PAK2: variants seen among roughly 807,000 people sequenced by gnomAD.
PAK2 encodes p21 (RAC1) activated kinase 2, also known as serine/threonine-protein kinase PAK 2.
A neutral mutation model predicts 65.9 loss-of-function variants in PAK2; 21 were observed. The ratio of observed to expected loss-of-function variants is 0.32; its 90% CI spans 0.23 to 0.46. The LOEUF is 0.46. Among genes scored for constraint, PAK2 ranks in the 20% least tolerant of loss-of-function variants. The pLI, the probability that PAK2 is intolerant of heterozygous loss-of-function variation, is 1.00. For synonymous variants in PAK2, 204 were observed against 219.7 expected (o/e 0.93, Z 0.63); for missense variants, 324 against 642.6 (o/e 0.50, Z 5.36).
intron 1 of PAK2, among the ~76,000 whole-genome samples, chr3:196,745,832 G>A (rs868299217): frequency 1.9e-4 from 22 of 114,322 alleles, no homozygotes; most frequent in South Asian, 2.7e-4. Flanking sequence ...AAAAAAAAAA[G>A]AAGAAGTAGT....
At chr3:196,797,263 G>A (rs1487935589) in intron 2 of PAK2, among the ~76,000 whole-genome samples, 5 of 152,204 alleles carry the variant, frequency 3.3e-5, no homozygotes, top group East Asian at 1.9e-4. Flanking sequence ...TCAGGAGTTC[G>A]AGACCGGCCT....
In PAK2 at chr3:196,828,503, C is replaced by G. The variant is rs912370575; in HGVS notation, c.*98C>G. On this transcript the variant is annotated 3_prime_UTR_variant, in exon 15 of 15. Coordinates refer to ENST00000327134, the MANE Select transcript of PAK2 (RefSeq NM_002577.4). ...TCTTTTTGGGGTTTAAAGAAATGGT[C>G]TGCATAACCTGAATGAAAGAAGCAA... is the stretch of plus-strand genomic sequence containing the variant. 1 of 757,010 alleles carries G rather than the reference C, an allele frequency of 1.3e-6. No individual in the cohort carries two copies. The highest frequency in any genetic ancestry group is 2.3e-6 in the Non-Finnish European group (1 of 436,126). 46.9% of individuals were successfully genotyped at this position (757,010 alleles called of 1,614,324 possible).
intron 1 of PAK2, among the ~76,000 whole-genome samples, chr3:196,742,647 G>A (rs966761947): frequency 3.9e-5 from 6 of 152,128 alleles, no homozygotes; most frequent in African/African-American, 1.2e-4. Flanking sequence ...GGGCGCGGTG[G>A]CTCACGCCTG....
intron 1 of PAK2, among the ~76,000 whole-genome samples, chr3:196,752,190 A>G (rs563977961): frequency 1.4e-4 from 22 of 152,308 alleles, no homozygotes; most frequent in African/African-American, 5.3e-4. Flanking sequence ...GTAGTACTTA[A>G]TTCCTTTTTA....
Position 196,791,400 on chromosome 3 carries a change from GT to G in PAK2, c.187+8572del, listed in dbSNP as rs1715065240. 1.3e-5 allele frequency among the ~76,000 whole-genome samples: 2 copies of G among 151,858 alleles called. No individual in the cohort carries two copies. The highest frequency in any genetic ancestry group is 4.8e-5 in the African/African-American group (2 of 41,338). ...GCTCTATCTCAAGTTCTGCTTAATC[GT>G]TTTTGTGTTTTTCCTTTAACTTTTT... is the stretch of plus-strand genomic sequence containing the variant. On this transcript the variant is annotated intron_variant, in intron 2 of 14. Transcript: ENST00000327134. The surrounding 1 kb of genome is among the most constrained non-coding windows in gnomAD (Gnocchi z 4.0).
chr3:196,819,747 T>C (rs1711591141), intron 12 of PAK2, among the ~76,000 whole-genome samples: 1 of 152,156 alleles, frequency 6.6e-6, no homozygotes, highest in Non-Finnish European at 1.5e-5. Flanking sequence ...GCACCTCCAT[T>C]ACAGGTGAGA....
rs1197922574 is a variant in PAK2, at chr3:196,739,869, C to G, written c.-310C>G. ...CCCGCTCCCCGCCGTCTTCCTCCCC[C>G]AGGGTTGTGGCCACGCGCAGCGGCG... On this transcript the variant is annotated 5_prime_UTR_variant, in exon 1 of 15. Coordinates refer to ENST00000327134, the MANE Select transcript of PAK2 (RefSeq NM_002577.4). The G allele has an allele frequency of 1.3e-5, 2 of 152,034 alleles. No individual in the cohort carries two copies. Among genetic ancestry groups the G allele is most frequent in the Admixed American group, 6.5e-5 (1 of 15,282 alleles). 9.4% of individuals were successfully genotyped at this position (152,034 alleles called of 1,614,324 possible).
At chr3:196,798,208 C>G (rs376345316) in intron 2 of PAK2, among the ~76,000 whole-genome samples, 5 of 152,190 alleles carry the variant, frequency 3.3e-5, no homozygotes, top group East Asian at 3.9e-4. Flanking sequence ...AACCTATAGC[C>G]AGACTGACAG....
intron 2 of PAK2, among the ~76,000 whole-genome samples, chr3:196,792,602 A>G (rs1350120757): frequency 6.6e-6 from 1 of 152,174 alleles, no homozygotes; most frequent in African/African-American, 2.4e-5. Context: ...GTTTCCTACC[A>G]ATACTAAACT....
chr3:196,825,597 C>T (rs754019867), intron 13 of PAK2, among the ~76,000 whole-genome samples: 15 of 151,904 alleles, frequency 9.9e-5, no homozygotes, highest in Non-Finnish European at 1.9e-4. Flanking sequence ...GAGCTGAGAT[C>T]GTGCCATTGC....
intron 1 of PAK2, among the ~76,000 whole-genome samples, chr3:196,752,125 C>G (rs1477310743): frequency 6.6e-6 from 1 of 152,138 alleles, no homozygotes; most frequent in African/African-American, 2.4e-5. Context: ...TATTAGAACT[C>G]TGAGACAGTT....
In PAK2 at chr3:196,828,323, C is replaced by T. The variant is rs772667034; in HGVS notation, c.1493C>T (p.Pro498Leu). Residue 498 changes from proline to leucine, a missense_variant, in exon 15 of 15, where the codon CCT becomes CTT. By Grantham distance (98) the Pro-to-Leu change is moderately conservative. Transcript: ENST00000327134. ...TTTTCCCCTTCTTTCTGGCAGCATC[C>T]TTTCCTGAAACTGGCCAAACCGTTA... is the stretch of plus-strand genomic sequence containing the variant. ...RGSAKELLQH[P>L]FLKLAKPLSS... is the part of the protein sequence containing the mutation. The T allele has an allele frequency of 1.3e-6, 2 of 1,595,844 alleles. No homozygotes were observed. Among genetic ancestry groups the T allele is most frequent in the African/African-American group, 1.3e-5 (1 of 74,378 alleles).
chr3:196,811,245 TCCCTCCCCTCCC>T (rs1560113674), intron 8 of PAK2, among the ~76,000 whole-genome samples: 1 of 20,290 alleles, frequency 4.9e-5, no homozygotes, highest in Admixed American at 7.2e-4. Flanking sequence ...CTTCCTTCCC[TCCCTCCCCTCCC>T]TCCCTTCCTT....
chr3:196,753,785 C>CT (rs1238928972), intron 1 of PAK2, among the ~76,000 whole-genome samples: 1 of 151,976 alleles, frequency 6.6e-6, no homozygotes, highest in Non-Finnish European at 1.5e-5. Flanking sequence ...AGGAATTTTC[C>CT]TTTTTCTTTT....
chr3:196,800,279 G>A (rs1478205449), intron 2 of PAK2, among the ~76,000 whole-genome samples: 6 of 152,136 alleles, frequency 3.9e-5, no homozygotes, highest in African/African-American at 9.7e-5. Flanking sequence ...CTCCTCAGGA[G>A]GCTGAGGTAG....
chr3:196,748,562 G>A (rs111730835), intron 1 of PAK2, among the ~76,000 whole-genome samples: 105 of 150,564 alleles, frequency 7.0e-4, no homozygotes, highest in African/African-American at 2.4e-3. Flanking sequence ...AGAATGTCCC[G>A]TAGTTGGAAT....
At chr3:196,747,998 T>A (rs1417668471) in intron 1 of PAK2, among the ~76,000 whole-genome samples, 1 of 152,194 alleles carries the variant, frequency 6.6e-6, no homozygotes, top group Non-Finnish European at 1.5e-5. Flanking sequence ...AGTGTGTTTA[T>A]TTTCCTTTAT....
At chr3:196,780,010 G>A (rs1714656358) in intron 1 of PAK2, among the ~76,000 whole-genome samples, 1 of 152,186 alleles carries the variant, frequency 6.6e-6, no homozygotes, top group South Asian at 2.1e-4. Flanking sequence ...GCAAGACAGG[G>A]CCCCTCTTGT....
At chr3:196,751,014 T>TA (rs1206009829) in intron 1 of PAK2, among the ~76,000 whole-genome samples, 1 of 152,186 alleles carries the variant, frequency 6.6e-6, no homozygotes, top group African/African-American at 2.4e-5. Context: ...TGAAACTCGG[T>TA]ACTCATTAAA....
Sources: gnomAD v4.1 joint callset for allele counts (sites outside exome capture counted in the v4.1 genomes callset) on GRCh38, gnomAD v4.1.1 for gene constraint, Gnocchi (gnomAD v3.1) non-coding constraint, MANE v1.5 for transcripts, NCBI Gene and HGNC (gene_info 2026-07-23, HGNC 2026-07-21) for gene names.